Variants in IBTK observed in about 807,000 individuals in gnomAD.
IBTK encodes the protein inhibitor of Bruton tyrosine kinase, also known as BTK-binding protein.
A neutral mutation model predicts 154.9 loss-of-function variants in IBTK; 83 were observed. The observed-to-expected ratio is 0.54, with a 90% CI of 0.45 to 0.64. The LOEUF is 0.64. IBTK is among the 30% of genes least tolerant of loss of function. The probability of loss-of-function intolerance (pLI) is 0.00; values close to 1 mark genes in which losing one functional copy is unlikely to be tolerated. For missense variants in IBTK, 1,332 were observed against 1,584.6 expected (o/e 0.84, Z 2.71); for synonymous variants, 515 against 536.1 (o/e 0.96, Z 0.54).
intron 21 of IBTK, among the ~76,000 whole-genome samples, chr6:82,198,126 T>C (rs1045294334): frequency 6.6e-6 from 1 of 152,230 alleles, no homozygotes; most frequent in Admixed American, 6.5e-5. Context: ...AATTATTTCA[T>C]TACTAATGTC....
At chr6:82,200,371 T>A in intron 20 of IBTK, 118 bp from the exon 21 acceptor site, 2 of 792,776 alleles carry the variant, frequency 2.5e-6, no homozygotes, top group South Asian at 1.7e-5. Flanking sequence ...ACACTTTCAA[T>A]GTGTTAGACC....
intron 6 of IBTK, 133 bp downstream of exon 6, chr6:82,225,344 C>T: frequency 2.2e-6 from 1 of 456,130 alleles, no homozygotes; most frequent in Non-Finnish European, 3.7e-6. Context: ...ATAATAAAGA[C>T]AGTATATACC....
intron 27 of IBTK, chr6:82,172,816 G>T: frequency 3.6e-6 from 1 of 279,054 alleles, no homozygotes; most frequent in Non-Finnish European, 6.7e-6. Flanking sequence ...AAAAACAGAA[G>T]AACTAATGTT....
chr6:82,195,152 G>T (rs1330417603), intron 22 of IBTK, among the ~76,000 whole-genome samples: 1 of 152,036 alleles, frequency 6.6e-6, no homozygotes, highest in Non-Finnish European at 1.5e-5. Flanking sequence ...TCTATTTCCA[G>T]GATAGATTCT....
At chr6:82,218,576 T>C (rs1769958122) in intron 9 of IBTK, among the ~76,000 whole-genome samples, 1 of 152,132 alleles carries the variant, frequency 6.6e-6, no homozygotes, top group South Asian at 2.1e-4. Context: ...TATGCATAAC[T>C]CAATTATATA....
At chr6:82,215,709 C>T (rs886258089) in intron 11 of IBTK, among the ~76,000 whole-genome samples, 1 of 149,402 alleles carries the variant, frequency 6.7e-6, no homozygotes, top group Admixed American at 6.7e-5. Context: ...ACTGCTTCAT[C>T]CTGGGAGGTG....
At chr6:82,244,398 T>C (rs1771066795) in intron 1 of IBTK, among the ~76,000 whole-genome samples, 1 of 152,204 alleles carries the variant, frequency 6.6e-6, no homozygotes, top group East Asian at 1.9e-4. Context: ...TTTTATGTCT[T>C]TAAAACCTCA....
intron 25 of IBTK, among the ~76,000 whole-genome samples, chr6:82,190,556 G>T (rs1768727088): frequency 6.6e-6 from 1 of 152,066 alleles, no homozygotes; most frequent in South Asian, 2.1e-4. Flanking sequence ...TTCCAATGGA[G>T]AAAATGTAAA....
intron 2 of IBTK, among the ~76,000 whole-genome samples, chr6:82,236,902 G>A (rs6939841): frequency 0.24 from 36,258 of 152,076 alleles, 4,380 homozygotes; most frequent in African/African-American, 0.28. Context: ...GGTTAATACA[G>A]GATTTAGGGG....
At chr6:82,185,669 G>A (rs1768525491) in intron 25 of IBTK, among the ~76,000 whole-genome samples, 1 of 151,046 alleles carries the variant, frequency 6.6e-6, no homozygotes, top group Non-Finnish European at 1.5e-5. Flanking sequence ...TAAAAATCAA[G>A]TGATATACTG....
chr6:82,225,447 A>G (rs2127821193), intron 6 of IBTK, 30 bp downstream of exon 6: 1 of 1,571,396 alleles, frequency 6.4e-7, no homozygotes, highest in East Asian at 2.2e-5. Flanking sequence ...GCAAATGTAA[A>G]ACCTTATTAT....
At chr6:82,234,862 A>G (rs1051190062) in intron 2 of IBTK, among the ~76,000 whole-genome samples, 1 of 151,642 alleles carries the variant, frequency 6.6e-6, no homozygotes, top group Non-Finnish European at 1.5e-5. Context: ...CTACATGTGA[A>G]CTTTTTTTTG....
At chr6:82,217,097 A>T (rs1486412294) in intron 10 of IBTK, among the ~76,000 whole-genome samples, 1 of 152,172 alleles carries the variant, frequency 6.6e-6, no homozygotes, top group African/African-American at 2.4e-5. Context: ...AAGAGAACAA[A>T]ACTTGATGAC....
chr6:82,203,994 T>C (rs1235068586), intron 17 of IBTK, among the ~76,000 whole-genome samples: 2 of 152,104 alleles, frequency 1.3e-5, no homozygotes, highest in South Asian at 2.1e-4. Flanking sequence ...CTTCTTGAAG[T>C]AGCAGTAAAG....
chr6:82,246,714 A>G (rs1771161750), intron 1 of IBTK, among the ~76,000 whole-genome samples: 1 of 152,204 alleles, frequency 6.6e-6, no homozygotes. Context: ...CTCAATTTCT[A>G]AAACAAATAA....
chr6:82,244,510 G>A (rs1233943412), intron 1 of IBTK, among the ~76,000 whole-genome samples: 1 of 152,164 alleles, frequency 6.6e-6, no homozygotes, highest in Admixed American at 6.5e-5. Context: ...GGGCATTATC[G>A]CTTCCCCTGT....
At chr6:82,238,367 C>G (rs1030642516) in intron 2 of IBTK, among the ~76,000 whole-genome samples, 2 of 152,012 alleles carry the variant, frequency 1.3e-5, no homozygotes, top group Non-Finnish European at 2.9e-5. Context: ...TTTCAAAACG[C>G]TTTATTATTT....
chr6:82,196,535 C>A (rs1768995614), intron 21 of IBTK, 89 bp from the exon 22 acceptor site: 3 of 622,236 alleles, frequency 4.8e-6, no homozygotes, highest in Non-Finnish European at 4.8e-6. Flanking sequence ...AAAAAGCTTT[C>A]ATTTATCCAG....
Position 82,216,151 on chromosome 6 carries a change from G to A in IBTK, c.1526C>T (p.Ala509Val), listed in dbSNP as rs200817937. Residue 509 changes from alanine to valine, a missense_variant, in exon 11 of 29, where the codon GCA (alanine) becomes GTA (valine). Ala to Val is a moderately conservative substitution (Grantham distance 64). Transcript: ENST00000306270. ...ERIRLEKLTF[A>V]HRAVSVSTDP... Reference sequence around the variant, plus strand: ...TGTGCTGACACTAACAGCTCTATGTGCAAAGGTAAGTTTCTCAAGTCGAAT... The same window carrying A: ...TGTGCTGACACTAACAGCTCTATGTACAAAGGTAAGTTTCTCAAGTCGAAT... The A allele has an allele frequency of 1.5e-4, 236 of 1,613,492 alleles. 1 individual carries two copies. Among genetic ancestry groups the A allele is most frequent in the Non-Finnish European group, 1.5e-5 (18 of 1,179,648 alleles).
Sources: allele counts gnomAD v4.1 joint callset (sites outside exome capture counted in the v4.1 genomes callset), GRCh38; gene constraint gnomAD v4.1.1; transcripts MANE v1.5; gene names NCBI Gene and HGNC (gene_info 2026-07-23, HGNC 2026-07-21).